FEZF2: variants seen among roughly 807,000 people sequenced by gnomAD.
FEZF2 encodes fez family zinc finger protein 2.
A neutral mutation model predicts 32.8 loss-of-function variants in FEZF2; 2 were observed. The observed-to-expected ratio is 0.06, with a 90% CI of 0.02 to 0.19. The LOEUF is 0.19. Among genes scored for constraint, FEZF2 ranks in the 10% least tolerant of loss-of-function variants. FEZF2 has a pLI of 1.00. For missense variants in FEZF2, 516 were observed against 625.4 expected, an observed-to-expected ratio of 0.83 and a Z score of 1.87; for synonymous variants, 322 against 284.8, an observed-to-expected ratio of 1.13 and a Z score of -1.32.
intron 4 of FEZF2, among the ~76,000 whole-genome samples, 162 bp downstream of exon 4, chr3:62,371,055 G>C (rs1704261863): frequency 6.6e-6 from 1 of 152,304 alleles, no homozygotes; most frequent in South Asian, 2.1e-4. Context: ...CGCTAGGAGA[G>C]CTTCCCCCTA....
rs918368058 is a variant in FEZF2, at chr3:62,372,302, G to A, written c.567C>T (p.His189=). ...AYPPSELLSG[H]LFPSGLLNAQ... The stretch of plus-strand genomic sequence containing the variant: ...CATTGAGGAGGCCAGACGGGAAGAG[G>A]TGGCCGCTGAGGAGCTCAGACGGCG... The change falls in exon 2 of 5, where the codon CAC becomes CAT. Residue 189 remains histidine (H), a synonymous_variant. Transcript: ENST00000283268. This position sits in a 1 kb window ranked among gnomAD's most constrained non-coding sequence, Gnocchi z 9.6. 1.2e-6 allele frequency: 2 copies of A among 1,606,676 alleles called. No individual in the cohort carries two copies. Among genetic ancestry groups the A allele is most frequent in the Admixed American group, 3.4e-5 (2 of 59,348 alleles).
chr3:62,370,860 G>A lies in FEZF2; in HGVS notation c.1120+357C>T, dbSNP rs1704259427. Among the ~76,000 whole-genome samples the A allele has an allele frequency of 1.3e-5, 2 of 152,218 alleles. No individual in the cohort carries two copies. The highest frequency in any genetic ancestry group is 2.9e-5 in the Non-Finnish European group (2 of 68,048). On this transcript the variant is annotated intron_variant, in intron 4 of 4. Transcript: ENST00000283268. The surrounding 1 kb of genome is among the most constrained non-coding windows in gnomAD (Gnocchi z 4.2). ...CCAATCTTAGATTGTTCCCGGGAGG[G>A]TTATTTTGCCTCCAATATTTTTCAT...
In FEZF2 at chr3:62,372,310, TGAG is replaced by T. The variant is rs771747553; in HGVS notation, c.556_558del (p.Leu186del). 1 of 1,608,552 alleles carries T rather than the reference TGAG, an allele frequency of 6.2e-7. No individual in the cohort carries two copies. The highest frequency in any genetic ancestry group is 2.2e-5 in the East Asian group (1 of 44,752). ...AGGCCAGACGGGAAGAGGTGGCCGC[TGAG>T]GAGCTCAGACGGCGGGTACGCGGTC... On this transcript the variant is annotated inframe_deletion, in exon 2 of 5. Coordinates refer to ENST00000283268, the MANE Select transcript of FEZF2 (RefSeq NM_018008.4). This position sits in a 1 kb window ranked among gnomAD's most constrained non-coding sequence, Gnocchi z 9.6.
Position 62,373,187 on chromosome 3 carries a change from C to G in FEZF2, c.-59+92G>C, listed in dbSNP as rs537869897. On this transcript the variant is annotated intron_variant, in intron 1 of 4. Transcript: ENST00000283268. The surrounding 1 kb of genome is among the most constrained non-coding windows in gnomAD (Gnocchi z 5.5). ...AGTCTCAAATTAACCCCCCTGAGCC[C>G]TTCCCTGGACCCGGGCCTCTGCCAC... 5.7e-4 allele frequency: 163 copies of G among 286,202 alleles called. No homozygotes were observed. The highest frequency in any genetic ancestry group is 3.3e-3 in the African/African-American group (151 of 46,028). 17.7% of individuals were successfully genotyped at this position (286,202 alleles called of 1,614,324 possible). A position where few individuals can be genotyped will look rare whatever the true frequency, so the allele number is the denominator to read the frequency against.
intron 2 of FEZF2, among the ~76,000 whole-genome samples, 167 bp from the exon 3 acceptor site, chr3:62,371,834 G>A (rs1246522506): frequency 1.3e-5 from 2 of 152,172 alleles, no homozygotes; most frequent in African/African-American, 4.8e-5. Context: ...ATACTGTGTG[G>A]CCGCTGACAA....
At position 62,372,713 on chromosome 3, in the gene FEZF2, C is replaced by A. The variant is rs1364989847; in HGVS notation, c.156G>T (p.Ala52=). ...PRAPFEPRPG[A]LEADGSQGKK... The stretch of plus-strand genomic sequence containing the variant: ...TGCCCTGGCTGCCGTCCGCCTCTAG[C>A]GCTCCAGGCCGGGGCTCAAAGGGCG... The change falls in exon 2 of 5, where the codon GCG becomes GCT. Residue 52 remains alanine, a synonymous_variant. Coordinates refer to ENST00000283268, the MANE Select transcript of FEZF2 (RefSeq NM_018008.4). The surrounding 1 kb of genome is among the most constrained non-coding windows in gnomAD (Gnocchi z 9.6). 6.2e-7 allele frequency: 1 copy of A among 1,609,060 alleles called. No individual in the cohort carries two copies. Among genetic ancestry groups the A allele is most frequent in the African/African-American group, 1.3e-5 (1 of 74,704 alleles).
chr3:62,373,035 A>C lies in FEZF2; in HGVS notation c.-58-109T>G. On this transcript the variant is annotated intron_variant, in intron 1 of 4. Transcript: ENST00000283268. This position sits in a 1 kb window ranked among gnomAD's most constrained non-coding sequence, Gnocchi z 5.5. ...AACAGGGGCAAAACAAAGTGCACCC[A>C]AGGGTACCAAATTACCGCCCATTAA... 1 of 583,108 alleles carries C rather than the reference A, an allele frequency of 1.7e-6. No individual in the cohort carries two copies. Among genetic ancestry groups the C allele is most frequent in the Non-Finnish European group, 2.5e-6 (1 of 392,942 alleles). The allele number at this position is 583,108 out of a possible 1,614,324, so 36.1% of individuals were successfully genotyped here.
At position 62,372,113 on chromosome 3, in the gene FEZF2, C is replaced by G. The variant is rs1405048662; in HGVS notation, c.756G>C (p.Leu252=). Residue 252 remains leucine, a synonymous_variant, in exon 2 of 5, where the codon CTG becomes CTC. Coordinates refer to ENST00000283268, the MANE Select transcript of FEZF2 (RefSeq NM_018008.4). The surrounding 1 kb of genome is among the most constrained non-coding windows in gnomAD (Gnocchi z 9.6). ...LEQVLKENSA[L]TAERGGVKGH... ...CCTTGACGCCTCCGCGCTCGGCAGT[C>G]AGGGCCGAGTTTTCCTTCAGTACCT... 6.2e-7 allele frequency: 1 copy of G among 1,602,970 alleles called. No homozygotes were observed. The highest frequency in any genetic ancestry group is 1.7e-5 in the Admixed American group (1 of 58,168).
rs756023633 is a variant in FEZF2, at chr3:62,370,223, T to C, written c.1240A>G (p.Lys414Glu). The C allele has an allele frequency of 1.9e-6, 3 of 1,614,178 alleles. No homozygotes were observed. The highest frequency in any genetic ancestry group is 2.5e-6 in the Non-Finnish European group (3 of 1,180,028). The change falls in exon 5 of 5, where the codon AAG becomes GAG. Residue 414 changes from lysine (K) to glutamate (E), a missense_variant. Lys to Glu is a moderately conservative substitution (Grantham distance 56). This residue lies in a region of FEZF2 where 79 missense variants were observed against 219.4 expected (regional missense o/e 0.36). Coordinates refer to ENST00000283268, the MANE Select transcript of FEZF2 (RefSeq NM_018008.4). This position sits in a 1 kb window ranked among gnomAD's most constrained non-coding sequence, Gnocchi z 4.2. Reference protein sequence around the residue: ...LTFHMHTHNDKKPFTCATCGK... With the variant: ...LTFHMHTHNDEKPFTCATCGK... ...CAAGTGGCGCACGTGAAAGGCTTCT[T>C]GTCGTTGTGGGTGTGCATATGGAAG...
In FEZF2 at chr3:62,372,722, C is replaced by T. The variant is rs1704292367; in HGVS notation, c.147G>A (p.Arg49=). ...TSEPRAPFEP[R]PGALEADGSQ... ...TGCCGTCCGCCTCTAGCGCTCCAGGCCGGGGCTCAAAGGGCGCACGGGGCT... is the reference window on the plus strand; with the variant it reads ...TGCCGTCCGCCTCTAGCGCTCCAGGTCGGGGCTCAAAGGGCGCACGGGGCT... Residue 49 remains arginine, a synonymous_variant, in exon 2 of 5, where the codon CGG becomes CGA. Transcript: ENST00000283268. The surrounding 1 kb of genome is among the most constrained non-coding windows in gnomAD (Gnocchi z 9.6). 6.2e-7 allele frequency: 1 copy of T among 1,609,554 alleles called. No homozygotes were observed.
At position 62,370,410 on chromosome 3, in the gene FEZF2, T is replaced by G; in HGVS notation, c.1121-68A>C. On this transcript the variant is annotated intron_variant, in intron 4 of 4. Coordinates refer to ENST00000283268, the MANE Select transcript of FEZF2 (RefSeq NM_018008.4). The surrounding 1 kb of genome is among the most constrained non-coding windows in gnomAD (Gnocchi z 4.2). Reference sequence around the variant, plus strand: ...AATGGTGGGGAGGAAGAGGCGGGCGTCCCAGGGGCAGCCCAGGTGCCTGCT... The same window carrying G: ...AATGGTGGGGAGGAAGAGGCGGGCGGCCCAGGGGCAGCCCAGGTGCCTGCT... 1 of 1,559,962 alleles carries G rather than the reference T, an allele frequency of 6.4e-7. No homozygotes were observed. Among genetic ancestry groups the G allele is most frequent in the Non-Finnish European group, 8.8e-7 (1 of 1,142,196 alleles).
At position 62,371,102 on chromosome 3, in the gene FEZF2, C is replaced by T. The variant is rs1704262465; in HGVS notation, c.1120+115G>A. ...ACCCGATTCTAAAGAAATGCTGCGCCCGCGCCTGCAGATTTCGCCTTCTCT... is the reference window on the plus strand; with the variant it reads ...ACCCGATTCTAAAGAAATGCTGCGCTCGCGCCTGCAGATTTCGCCTTCTCT... On this transcript the variant is annotated intron_variant, in intron 4 of 4. Transcript: ENST00000283268. The T allele has an allele frequency of 2.7e-6, 4 of 1,486,212 alleles. No homozygotes were observed. In the Admixed American group the frequency reaches 5.2e-5, roughly 19 times the overall value. The allele number at this position is 1,486,212 out of a possible 1,614,324, so 92.1% of individuals were successfully genotyped here. A position where few individuals can be genotyped will look rare whatever the true frequency, so the allele number is the denominator to read the frequency against.
At position 62,369,895 on chromosome 3, in the gene FEZF2, G is replaced by C. The variant is rs944427003; in HGVS notation, c.*188C>G. On this transcript the variant is annotated 3_prime_UTR_variant, in exon 5 of 5. Transcript: ENST00000283268. This position sits in a 1 kb window ranked among gnomAD's most constrained non-coding sequence, Gnocchi z 4.2. The stretch of plus-strand genomic sequence containing the variant: ...AAATAAGTTTCCTGAATATACAAAG[G>C]TGGGGGCCACGAGTTTGCTGCCAGT... The C allele has an allele frequency of 3.1e-6, 2 of 645,876 alleles. No individual in the cohort carries two copies. The highest frequency in any genetic ancestry group is 3.6e-5 in the African/African-American group (2 of 54,992). 40.0% of individuals were successfully genotyped at this position (645,876 alleles called of 1,614,324 possible).
At chr3:62,371,371 C>T in intron 3 of FEZF2, 22 bp from the exon 4 acceptor site, 1 of 1,609,068 alleles carries the variant, frequency 6.2e-7, no homozygotes, top group Non-Finnish European at 8.5e-7. Context: ...GGCGAGTGCA[C>T]AGTAAGGAGA....
In FEZF2 at chr3:62,372,637, G is replaced by A. The variant is rs1339457317; in HGVS notation, c.232C>T (p.Pro78Ser). ...TTTGACGGCACCTCGTAGCCTAGGGGCTGGAGGGGGATCATACAGGGCAGC... is the reference window on the plus strand; with the variant it reads ...TTTGACGGCACCTCGTAGCCTAGGGACTGGAGGGGGATCATACAGGGCAGC... ...SPLPCMIPLQ[P>S]LGYEVPSKTL... The change falls in exon 2 of 5, where the codon CCC becomes TCC. Residue 78 changes from proline to serine, a missense_variant. Coordinates refer to ENST00000283268, the MANE Select transcript of FEZF2 (RefSeq NM_018008.4). The surrounding 1 kb of genome is among the most constrained non-coding windows in gnomAD (Gnocchi z 9.6). 1.4e-5 allele frequency: 22 copies of A among 1,587,590 alleles called. No individual in the cohort carries two copies. The highest frequency in any genetic ancestry group is 1.9e-5 in the Non-Finnish European group (22 of 1,165,628).
Position 62,372,217 on chromosome 3 carries a change from G to C in FEZF2, c.652C>G (p.Leu218Val). Residue 218 changes from leucine (L) to valine (V), a missense_variant, in exon 2 of 5, where the codon CTG (leucine) becomes GTG (valine). By Grantham distance (32) the Leu-to-Val change is conservative. Coordinates refer to ENST00000283268, the MANE Select transcript of FEZF2 (RefSeq NM_018008.4). The surrounding 1 kb of genome is among the most constrained non-coding windows in gnomAD (Gnocchi z 9.6). Reference sequence around the variant, plus strand: ...AACTTGTCCGCAGCCAGGCCGGCCAGCTTGGCGTTCTCCAGCAGAAAGAGC... The same window carrying C: ...AACTTGTCCGCAGCCAGGCCGGCCACCTTGGCGTTCTCCAGCAGAAAGAGC... ...PKLFLLENAK[L>V]AGLAADKFPH... 6.3e-7 allele frequency: 1 copy of C among 1,575,168 alleles called. No individual in the cohort carries two copies.
chr3:62,371,745 C>T, intron 2 of FEZF2, 78 bp from the exon 3 acceptor site: 1 of 1,534,250 alleles, frequency 6.5e-7, no homozygotes. Flanking sequence ...CACAGCCTAC[C>T]TCCCCCAACC....
intron 2 of FEZF2, 60 bp from the exon 3 acceptor site, chr3:62,371,727 G>A (rs1704271716): frequency 1.3e-6 from 2 of 1,551,378 alleles, no homozygotes; most frequent in Non-Finnish European, 1.7e-6. Flanking sequence ...AATCAGCCCC[G>A]GGGGGGCCAC....
chr3:62,370,263 C>G lies in FEZF2; in HGVS notation c.1200G>C (p.Gln400His). 6.2e-7 allele frequency: 1 copy of G among 1,614,152 alleles called. No homozygotes were observed. Among genetic ancestry groups the G allele is most frequent in the Non-Finnish European group, 8.5e-7 (1 of 1,180,042 alleles). Reference protein sequence around the residue: ...KCTICNKAFHQVYNLTFHMHT... With the variant: ...KCTICNKAFHHVYNLTFHMHT... ...GCATATGGAAGGTTAGGTTGTAGAC[C>G]TGGTGGAAGGCCTTGTTGCAGATGG... Residue 400 changes from glutamine to histidine, a missense_variant, in exon 5 of 5, where the codon CAG (glutamine) becomes CAC (histidine). Gln to His is a conservative substitution (Grantham distance 24). Transcript: ENST00000283268. This position sits in a 1 kb window ranked among gnomAD's most constrained non-coding sequence, Gnocchi z 4.2.
Sources: gnomAD v4.1 joint callset for allele counts (sites outside exome capture counted in the v4.1 genomes callset) on GRCh38, gnomAD v4.1.1 for gene constraint, gnomAD v4.1.1 regional missense constraint, Gnocchi (gnomAD v3.1) non-coding constraint, MANE v1.5 for transcripts, NCBI Gene and HGNC (gene_info 2026-07-23, HGNC 2026-07-21) for gene names.